WWOX: variants seen among roughly 807,000 people sequenced by gnomAD.
WWOX encodes WW domain containing oxidoreductase, also known as WW domain-containing oxidoreductase.
A neutral mutation model predicts 46.2 loss-of-function variants in WWOX; 69 were observed. The observed-to-expected ratio is 1.49, with a 90% confidence interval of 1.23 to 1.82. The LOEUF is 1.82. Among genes scored for constraint, WWOX ranks in the 40% most tolerant of loss-of-function variants. WWOX has a pLI of 0.00. For synonymous variants in WWOX, 359 were observed against 202.6 expected (o/e 1.77, Z -6.56); for missense variants, 919 against 542.6 (o/e 1.69, Z -6.89).
chr16:78,963,995 G>C (rs2046320460), intron 8 of WWOX, among the ~76,000 whole-genome samples: 1 of 152,136 alleles, frequency 6.6e-6, no homozygotes, highest in East Asian at 1.9e-4. Context: ...CATGTAAGAA[G>C]TGCCTTTCAC....
At chr16:78,601,908 C>G (rs75899692) in intron 8 of WWOX, among the ~76,000 whole-genome samples, 16 of 152,248 alleles carry the variant, frequency 1.1e-4, no homozygotes, top group African/African-American at 2.6e-4. Flanking sequence ...GCCTCATGAT[C>G]CAATTGTTTT....
intron 8 of WWOX, among the ~76,000 whole-genome samples, chr16:78,690,091 C>T (rs534661437): frequency 5.9e-5 from 9 of 152,238 alleles, no homozygotes; most frequent in Non-Finnish European, 1.2e-4. Flanking sequence ...GATCTCCTGA[C>T]CTCAGGTGAT....
intron 8 of WWOX, among the ~76,000 whole-genome samples, chr16:78,850,158 G>C (rs1297768832): frequency 5.3e-5 from 8 of 152,092 alleles, no homozygotes; most frequent in African/African-American, 1.7e-4. Flanking sequence ...GTGTGAGTGT[G>C]TGTGAGTGTG....
intron 8 of WWOX, among the ~76,000 whole-genome samples, chr16:78,662,091 G>GGTA (rs201619749): frequency 0.035 from 5,384 of 151,926 alleles, 128 homozygotes; most frequent in Non-Finnish European, 0.055. Context: ...TGGTGGTGGT[G>GGTA]GTAGTAGTAG....
chr16:78,894,519 A>G (rs2044659167), intron 8 of WWOX, among the ~76,000 whole-genome samples: 1 of 152,198 alleles, frequency 6.6e-6, no homozygotes, highest in Non-Finnish European at 1.5e-5. Flanking sequence ...TTTCTGCTCT[A>G]CCTAGTTCAT....
At chr16:78,653,192 T>G (rs2142149191) in intron 8 of WWOX, among the ~76,000 whole-genome samples, 1 of 152,330 alleles carries the variant, frequency 6.6e-6, no homozygotes, top group South Asian at 2.1e-4. Flanking sequence ...TCATTAAACA[T>G]TGCTTGAAAA....
intron 8 of WWOX, among the ~76,000 whole-genome samples, chr16:78,454,699 G>A (rs1374963033): frequency 6.6e-6 from 1 of 151,990 alleles, no homozygotes; most frequent in African/African-American, 2.4e-5. Flanking sequence ...TAGCAAGGTT[G>A]TTGATCAGGC....
chr16:78,173,447 C>G (rs35255850), intron 5 of WWOX, among the ~76,000 whole-genome samples: 1 of 148,856 alleles, frequency 6.7e-6, no homozygotes, highest in Non-Finnish European at 1.5e-5. Context: ...TGCCACCACA[C>G]CTGGCTAATT....
chr16:78,691,747 C>T (rs2047993304), intron 8 of WWOX, among the ~76,000 whole-genome samples: 1 of 152,086 alleles, frequency 6.6e-6, no homozygotes, highest in Non-Finnish European at 1.5e-5. Flanking sequence ...TCTCTCTACC[C>T]TTGCAGTATC....
intron 8 of WWOX, among the ~76,000 whole-genome samples, chr16:78,880,621 A>T (rs2044323123): frequency 6.6e-6 from 1 of 152,212 alleles, no homozygotes; most frequent in Non-Finnish European, 1.5e-5. Context: ...GCCCATCTTC[A>T]TTCCCTTTGC....
At chr16:79,183,585 A>C (rs1027657686) in intron 8 of WWOX, among the ~76,000 whole-genome samples, 1 of 152,176 alleles carries the variant, frequency 6.6e-6, no homozygotes, top group Non-Finnish European at 1.5e-5. Flanking sequence ...CAGTGCTGTG[A>C]GTAAATCAGT....
intron 8 of WWOX, among the ~76,000 whole-genome samples, chr16:78,529,454 C>T (rs932817621): frequency 6.6e-6 from 1 of 151,686 alleles, no homozygotes; most frequent in Non-Finnish European, 1.5e-5. Flanking sequence ...TGGACCTCTT[C>T]TCAGAATGTT....
At chr16:78,683,934 A>G (rs1252283787) in intron 8 of WWOX, among the ~76,000 whole-genome samples, 1 of 152,158 alleles carries the variant, frequency 6.6e-6, no homozygotes, top group East Asian at 1.9e-4. Flanking sequence ...TGGCAAGCTG[A>G]GGAAAGGAGG....
intron 8 of WWOX, among the ~76,000 whole-genome samples, chr16:79,130,921 CA>C (rs1408050816): frequency 2.6e-5 from 4 of 152,162 alleles, no homozygotes; most frequent in African/African-American, 9.7e-5. Flanking sequence ...GGCTGCATGC[CA>C]ACCGAAGAGA....
chr16:78,754,716 T>G (rs540001867), intron 8 of WWOX, among the ~76,000 whole-genome samples: 1 of 152,294 alleles, frequency 6.6e-6, no homozygotes, highest in South Asian at 2.1e-4. Flanking sequence ...TTATTTGGTT[T>G]TCTTGAAATA....
At chr16:78,767,438 C>G (rs2049949801) in intron 8 of WWOX, among the ~76,000 whole-genome samples, 1 of 151,398 alleles carries the variant, frequency 6.6e-6, no homozygotes, top group Admixed American at 6.6e-5. Context: ...CACAAAATTT[C>G]TTTGTTATGG....
intron 8 of WWOX, among the ~76,000 whole-genome samples, chr16:78,989,794 C>G (rs191518023): frequency 1.2e-4 from 17 of 145,524 alleles, no homozygotes. Flanking sequence ...TGAGAGGAAG[C>G]AAAGTGAGAC....
intron 8 of WWOX, among the ~76,000 whole-genome samples, chr16:79,185,747 C>T (rs955003877): frequency 1.4e-4 from 21 of 152,066 alleles, no homozygotes; most frequent in Non-Finnish European, 2.4e-4. Flanking sequence ...TAAAGGGAAT[C>T]AGGAAAGAAA....
intron 8 of WWOX, among the ~76,000 whole-genome samples, chr16:78,752,041 A>G (rs561993469): frequency 5.9e-5 from 9 of 152,322 alleles, no homozygotes; most frequent in Non-Finnish European, 8.8e-5. Context: ...ACGACACAAA[A>G]TTCACTCACA....
Sources: allele counts gnomAD v4.1 joint callset (sites outside exome capture counted in the v4.1 genomes callset), GRCh38; gene constraint gnomAD v4.1.1; transcripts MANE v1.5; gene names NCBI Gene and HGNC (gene_info 2026-07-23, HGNC 2026-07-21).